The following POU6F2 variants were observed in gnomAD, a reference collection of about 807,000 sequenced individuals.
POU6F2 encodes the protein POU class 6 homeobox 2.
Under a neutral mutation model 71.3 loss-of-function variants are expected in POU6F2, and 31 were observed. The ratio of observed to expected loss-of-function variants is 0.43; its 90% CI spans 0.33 to 0.59. The LOEUF (loss-of-function observed/expected upper bound fraction) is 0.59. Among genes scored for constraint, POU6F2 ranks in the 20% least tolerant of loss-of-function variants. POU6F2 has a pLI of 0.04. For synonymous variants in POU6F2, 347 were observed against 355.7 expected, an observed-to-expected ratio of 0.98 and a Z score of 0.27; for missense variants, 783 against 856.8, an observed-to-expected ratio of 0.91 and a Z score of 1.07.
At chr7:39,009,082 G>A (rs1280116881) in intron 1 of POU6F2, among the ~76,000 whole-genome samples, 5 of 152,024 alleles carry the variant, frequency 3.3e-5, no homozygotes, top group Admixed American at 6.6e-5. Context: ...AGCTTGATGG[G>A]GATGGCATTG....
At chr7:39,420,830 T>A (rs1787832688) in intron 6 of POU6F2, among the ~76,000 whole-genome samples, 1 of 152,146 alleles carries the variant, frequency 6.6e-6, no homozygotes. Context: ...AAACTAACTT[T>A]TGAGATTAAA....
rs531607938 is a variant in POU6F2 at position 39,210,665 on chromosome 7, A to C, written c.598+3045A>C. On this transcript the variant is annotated intron_variant, in intron 4 of 9. Coordinates refer to ENST00000518318, the MANE Select transcript of POU6F2 (RefSeq NM_001370959.1). ...GGGGGTCATATCACAATCTCCTCTT[A>C]AAACATGGTCCCCAGACCAGCGGCA... 2.0e-5 allele frequency among the ~76,000 whole-genome samples: 3 copies of C among 152,208 alleles called. No homozygotes were observed. In the East Asian group the frequency reaches 5.8e-4, roughly 29 times the overall value.
chr7:39,115,518 C>T (rs1328963189), intron 2 of POU6F2, among the ~76,000 whole-genome samples: 1 of 152,130 alleles, frequency 6.6e-6, no homozygotes, highest in African/African-American at 2.4e-5. Context: ...ACATGAAGTT[C>T]CTTATGGCTT....
At chr7:39,230,052 G>A (rs888104046) in intron 4 of POU6F2, among the ~76,000 whole-genome samples, 3 of 152,248 alleles carry the variant, frequency 2.0e-5, no homozygotes, top group Non-Finnish European at 2.9e-5. Flanking sequence ...AAACTAGGAA[G>A]CAGTGGAGTC....
At position 39,411,290 on chromosome 7, in the gene POU6F2, A is replaced by G. The variant is rs140326731; in HGVS notation, c.1113+4550A>G. 2.4e-3 allele frequency among the ~76,000 whole-genome samples: 362 copies of G among 152,354 alleles called. 4 individuals carry two copies. Among genetic ancestry groups the G allele is most frequent in the African/African-American group, 7.8e-3 (326 of 41,572 alleles). Reference sequence around the variant, plus strand: ...TCAAGATTTGGCAAGTAGATTTACTATCGATTTGTTCAGCTATAGAATTGG... The same window carrying G: ...TCAAGATTTGGCAAGTAGATTTACTGTCGATTTGTTCAGCTATAGAATTGG... On this transcript the variant is annotated intron_variant, in intron 6 of 9. Transcript: ENST00000518318.
intron 5 of POU6F2, among the ~76,000 whole-genome samples, chr7:39,375,089 C>T (rs1786684903): frequency 6.6e-6 from 1 of 152,118 alleles, no homozygotes; most frequent in South Asian, 2.1e-4. Context: ...CTCTATTTCT[C>T]TAACATTTGG....
At chr7:39,117,318 A>G (rs1791950914) in intron 2 of POU6F2, among the ~76,000 whole-genome samples, 1 of 152,184 alleles carries the variant, frequency 6.6e-6, no homozygotes, top group African/African-American at 2.4e-5. Flanking sequence ...TCCTAGGGAA[A>G]CCAAACCAGC....
chr7:39,093,560 A>G (rs796868610), intron 2 of POU6F2, among the ~76,000 whole-genome samples: 8 of 152,244 alleles, frequency 5.3e-5, no homozygotes, highest in African/African-American at 1.9e-4. Flanking sequence ...TAGTTTTCTT[A>G]GTGTTTCATC....
chr7:39,313,629 C>G (rs932742679), intron 4 of POU6F2, among the ~76,000 whole-genome samples: 2 of 152,000 alleles, frequency 1.3e-5, no homozygotes, highest in African/African-American at 4.8e-5. Flanking sequence ...ATTTTTGAAC[C>G]AGAGTGAACC....
At chr7:39,211,951 C>G (rs374882955) in intron 4 of POU6F2, among the ~76,000 whole-genome samples, 1 of 152,314 alleles carries the variant, frequency 6.6e-6, no homozygotes, top group East Asian at 1.9e-4. Flanking sequence ...AGGCATCTTT[C>G]CAATTCATGT....
chr7:39,102,676 A>C (rs1408983931), intron 2 of POU6F2, among the ~76,000 whole-genome samples: 2 of 152,162 alleles, frequency 1.3e-5, no homozygotes, highest in African/African-American at 4.8e-5. Flanking sequence ...ATACACACAC[A>C]CATACATACA....
chr7:38,983,814 A>T lies in POU6F2; in HGVS notation c.105+5756A>T, dbSNP rs531664632. On this transcript the variant is annotated intron_variant, in intron 1 of 9. Transcript: ENST00000518318. ...TAGCACTTCTCATAAACGTAAAACC[A>T]TTGTATGTAAGTAATAGCAAAATAA... Among the ~76,000 whole-genome samples, 4 of 152,262 alleles carry T rather than the reference A, an allele frequency of 2.6e-5. No homozygotes were observed. In the South Asian group the frequency reaches 8.3e-4, roughly 32 times the overall value.
At chr7:39,038,590 A>C (rs1321051438) in intron 1 of POU6F2, among the ~76,000 whole-genome samples, 1 of 151,960 alleles carries the variant, frequency 6.6e-6, no homozygotes, top group Non-Finnish European at 1.5e-5. Flanking sequence ...CTCATTTTTC[A>C]TTCTGGCTTG....
intron 2 of POU6F2, among the ~76,000 whole-genome samples, chr7:39,198,278 C>T (rs1430367113): frequency 1.3e-5 from 2 of 152,114 alleles, no homozygotes; most frequent in Non-Finnish European, 2.9e-5. Context: ...AAAAATGAAG[C>T]AATTATTGAG....
At chr7:39,194,644 G>A (rs1793742955) in intron 2 of POU6F2, among the ~76,000 whole-genome samples, 1 of 151,344 alleles carries the variant, frequency 6.6e-6, no homozygotes, top group Non-Finnish European at 1.5e-5. Context: ...AATAAAAGCT[G>A]GCCACCTGAG....
At chr7:39,324,273 C>T (rs73121828) in intron 4 of POU6F2, among the ~76,000 whole-genome samples, 37,262 of 152,070 alleles carry the variant, frequency 0.25, 4,937 homozygotes, top group Admixed American at 0.29. Context: ...CCCAAACTTC[C>T]CTGGCTCTCC....
chr7:39,240,160 C>T (rs886292171), intron 4 of POU6F2, among the ~76,000 whole-genome samples: 1 of 152,100 alleles, frequency 6.6e-6, no homozygotes, highest in Non-Finnish European at 1.5e-5. Flanking sequence ...TGAAAGGACC[C>T]CTCTGTCTCT....
At chr7:39,233,302 CAAA>C (rs59496470) in intron 4 of POU6F2, among the ~76,000 whole-genome samples, 1 of 136,052 alleles carries the variant, frequency 7.4e-6, no homozygotes, top group Non-Finnish European at 1.6e-5. Context: ...TCTGTTTTAC[CAAA>C]AAAAAAAAAA....
chr7:39,366,235 A>C lies in POU6F2; in HGVS notation c.972+26220A>C, dbSNP rs957206982. On this transcript the variant is annotated intron_variant, in intron 5 of 9. Coordinates refer to ENST00000518318, the MANE Select transcript of POU6F2 (RefSeq NM_001370959.1). Reference sequence around the variant, plus strand: ...CTGAGACAAGGGAAAGGGTGTGGTCATTGACAATACCAGAGCATGACCTTG... The same window carrying C: ...CTGAGACAAGGGAAAGGGTGTGGTCCTTGACAATACCAGAGCATGACCTTG... Among the ~76,000 whole-genome samples the C allele has an allele frequency of 3.3e-5, 5 of 152,152 alleles. No homozygotes were observed. In the East Asian group the frequency reaches 9.6e-4, roughly 29 times the overall value.
Sources: gnomAD v4.1 joint callset for allele counts (sites outside exome capture counted in the v4.1 genomes callset) on GRCh38, gnomAD v4.1.1 for gene constraint, MANE v1.5 for transcripts, NCBI Gene and HGNC (gene_info 2026-07-23, HGNC 2026-07-21) for gene names.